HSF2BP: variants seen among roughly 807,000 people sequenced by gnomAD.
HSF2BP encodes the protein heat shock transcription factor 2 binding protein.
Under a neutral mutation model 35.0 loss-of-function variants are expected in HSF2BP, and 35 were observed. The observed-to-expected ratio is 1.00, with a 90% CI of 0.76 to 1.32. HSF2BP has a LOEUF of 1.32. HSF2BP is among the 40% of genes most tolerant of loss of function. The pLI, the probability that HSF2BP is intolerant of heterozygous loss-of-function variation, is 0.00. For missense variants in HSF2BP, 326 were observed against 321.7 expected (o/e 1.01, Z -0.10); for synonymous variants, 114 against 117.4 (o/e 0.97, Z 0.18).
chr21:43,623,677 A>T (rs1386153008), intron 6 of HSF2BP, among the ~76,000 whole-genome samples: 4 of 152,174 alleles, frequency 2.6e-5, no homozygotes, highest in Non-Finnish European at 5.9e-5. Context: ...ACCTGGGTCA[A>T]GGTTCCAGAG....
intron 8 of HSF2BP, among the ~76,000 whole-genome samples, chr21:43,582,079 G>T (rs2081751335): frequency 1.6e-5 from 2 of 127,224 alleles, no homozygotes; most frequent in Admixed American, 1.5e-4. Context: ...GGGAGATGAG[G>T]GCCTGCTGTG....
intron 8 of HSF2BP, among the ~76,000 whole-genome samples, chr21:43,591,079 T>C (rs2081920258): frequency 6.6e-6 from 1 of 152,306 alleles, no homozygotes; most frequent in South Asian, 2.1e-4. Context: ...AAAAAGAGGT[T>C]AATTTGAATC....
chr21:43,622,386 C>T (rs1298072915), intron 6 of HSF2BP, among the ~76,000 whole-genome samples: 1 of 151,902 alleles, frequency 6.6e-6, no homozygotes, highest in Admixed American at 6.6e-5. Flanking sequence ...TATGGAGTGG[C>T]TGAATGGAAA....
chr21:43,617,121 C>G (rs529581891), intron 6 of HSF2BP, among the ~76,000 whole-genome samples: 1 of 152,104 alleles, frequency 6.6e-6, no homozygotes, highest in Admixed American at 6.5e-5. Flanking sequence ...CCCTGCCAAG[C>G]CTGACCAAAC....
chr21:43,637,586 T>C (rs1466902066), intron 4 of HSF2BP, among the ~76,000 whole-genome samples: 5 of 151,766 alleles, frequency 3.3e-5, no homozygotes, highest in Non-Finnish European at 7.4e-5. Context: ...GAGGTTCACT[T>C]GACAAGAGAG....
At chr21:43,612,718 A>G (rs1319544599) in intron 7 of HSF2BP, among the ~76,000 whole-genome samples, 1 of 151,346 alleles carries the variant, frequency 6.6e-6, no homozygotes, top group African/African-American at 2.4e-5. Flanking sequence ...AGTCCCAGCT[A>G]CTCAGGAGGC....
intron 6 of HSF2BP, among the ~76,000 whole-genome samples, chr21:43,616,690 T>C (rs1217028376): frequency 2.0e-5 from 3 of 151,940 alleles, no homozygotes; most frequent in African/African-American, 4.8e-5. Flanking sequence ...TCCCAGCACT[T>C]TGGGAGGCCG....
intron 6 of HSF2BP, among the ~76,000 whole-genome samples, chr21:43,623,113 T>C (rs2082349954): frequency 6.6e-6 from 1 of 152,124 alleles, no homozygotes. Context: ...TCAGGTATCT[T>C]TTCTGACCAC....
intron 4 of HSF2BP, among the ~76,000 whole-genome samples, chr21:43,642,646 T>G (rs1048995714): frequency 1.4e-4 from 22 of 152,148 alleles, no homozygotes; most frequent in African/African-American, 5.1e-4. Flanking sequence ...TCAACAAGAT[T>G]TTTAACTATA....
At chr21:43,604,886 A>G (rs972476938) in intron 7 of HSF2BP, among the ~76,000 whole-genome samples, 4 of 133,664 alleles carry the variant, frequency 3.0e-5, no homozygotes, top group African/African-American at 1.1e-4. Flanking sequence ...ACCATACACT[A>G]CACACCACAC....
At chr21:43,634,625 C>G (rs1163198357) in intron 4 of HSF2BP, among the ~76,000 whole-genome samples, 1 of 152,054 alleles carries the variant, frequency 6.6e-6, no homozygotes, top group African/African-American at 2.4e-5. Flanking sequence ...TTAGGGTGGC[C>G]CACTCATAGT....
At chr21:43,657,472 T>C (rs541985734) in intron 2 of HSF2BP, among the ~76,000 whole-genome samples, 1 of 152,338 alleles carries the variant, frequency 6.6e-6, no homozygotes, top group African/African-American at 2.4e-5. Flanking sequence ...GGTTTCCTAC[T>C]GGGTTTGCCA....
At chr21:43,651,465 T>G (rs573756372) in intron 3 of HSF2BP, among the ~76,000 whole-genome samples, 35 of 152,240 alleles carry the variant, frequency 2.3e-4, no homozygotes, top group Non-Finnish European at 4.7e-4. Context: ...CGACCTTCCT[T>G]GATGAATGCT....
chr21:43,638,119 T>C (rs1425459139), intron 4 of HSF2BP, among the ~76,000 whole-genome samples: 1 of 151,938 alleles, frequency 6.6e-6, no homozygotes, highest in Non-Finnish European at 1.5e-5. Flanking sequence ...ATGTAGAAAA[T>C]CTCAAGAAAT....
At chr21:43,588,205 T>G (rs1412179556) in intron 8 of HSF2BP, among the ~76,000 whole-genome samples, 1 of 151,992 alleles carries the variant, frequency 6.6e-6, no homozygotes, top group African/African-American at 2.4e-5. Context: ...TGGTGAAACC[T>G]TGTCTCAACT....
intron 8 of HSF2BP, among the ~76,000 whole-genome samples, chr21:43,590,142 A>C (rs1207167168): frequency 6.6e-6 from 1 of 152,258 alleles, no homozygotes; most frequent in Non-Finnish European, 1.5e-5. Flanking sequence ...AAGGACACAA[A>C]CCGAATACAT....
chr21:43,582,324 G>A (rs1286045711), intron 8 of HSF2BP, among the ~76,000 whole-genome samples: 2 of 139,642 alleles, frequency 1.4e-5, no homozygotes, highest in East Asian at 2.1e-4. Flanking sequence ...ATAAGGGCCT[G>A]TTGCGGGAGA....
intron 8 of HSF2BP, among the ~76,000 whole-genome samples, chr21:43,589,266 C>T (rs912969929): frequency 6.6e-6 from 1 of 152,160 alleles, no homozygotes; most frequent in African/African-American, 2.4e-5. Flanking sequence ...CTGCTATACA[C>T]ACATCCTTGA....
intron 6 of HSF2BP, among the ~76,000 whole-genome samples, chr21:43,614,960 G>A (rs1476782380): frequency 1.3e-5 from 2 of 152,178 alleles, no homozygotes; most frequent in Non-Finnish European, 2.9e-5. Context: ...GGAACAGCAA[G>A]TATCCCATTT....
Sources: allele counts gnomAD v4.1 joint callset (sites outside exome capture counted in the v4.1 genomes callset), GRCh38; gene constraint gnomAD v4.1.1; transcripts MANE v1.5; gene names NCBI Gene and HGNC (gene_info 2026-07-23, HGNC 2026-07-21).